Variants in BTF3 observed in about 807,000 individuals in gnomAD.
BTF3 encodes the protein transcription factor BTF3.
In BTF3, 12 loss-of-function variants were observed where a neutral mutation model predicts 23.9. The observed-to-expected ratio is 0.50, with a 90% CI of 0.32 to 0.81. BTF3 has a LOEUF of 0.81. BTF3 is among the 40% of genes least tolerant of loss of function. The probability of loss-of-function intolerance (pLI) is 0.03; values close to 1 mark genes in which losing one functional copy is unlikely to be tolerated. For synonymous variants in BTF3, 96 were observed against 94.8 expected (o/e 1.01, Z -0.07); for missense variants, 215 against 255.9 (o/e 0.84, Z 1.09).
intron 1 of BTF3, 105 bp from the exon 2 acceptor site, chr5:73,499,029 C>T (rs968101927): frequency 1.3e-5 from 17 of 1,337,964 alleles, no homozygotes; most frequent in East Asian, 2.5e-5. Flanking sequence ...CAGGTTTCGG[C>T]CTGTGTAGGA....
At chr5:73,498,939 G>T (rs747069228) in intron 1 of BTF3, 140 bp downstream of exon 1, 88 of 1,366,936 alleles carry the variant, frequency 6.4e-5, no homozygotes, top group African/African-American at 8.9e-5. Flanking sequence ...GGGGAGCTGT[G>T]GGGGAGTGGT....
chr5:73,502,438 C>G (rs996158330), intron 2 of BTF3, 50 bp from the exon 3 acceptor site: 4 of 1,273,940 alleles, frequency 3.1e-6, no homozygotes, highest in African/African-American at 3.0e-5. Flanking sequence ...TGAAAAATAT[C>G]TGTTGTGGTA....
At chr5:73,505,058 C>A in intron 5 of BTF3, 134 bp from the exon 6 acceptor site, 8 of 398,418 alleles carry the variant, frequency 2.0e-5, no homozygotes, top group Non-Finnish European at 2.8e-5. Flanking sequence ...TTTTTGCATT[C>A]TTGTTCTTGG....
intron 2 of BTF3, among the ~76,000 whole-genome samples, chr5:73,501,019 A>G (rs2111958856): frequency 6.6e-6 from 1 of 152,224 alleles, no homozygotes; most frequent in South Asian, 2.1e-4. Context: ...CTGAGAATAT[A>G]AAATTTTAAG....
At chr5:73,499,278 C>A in intron 2 of BTF3, 76 bp downstream of exon 2, 1 of 1,474,710 alleles carries the variant, frequency 6.8e-7, no homozygotes, top group Non-Finnish European at 9.4e-7. Flanking sequence ...TCCTTTTGCG[C>A]TTCTTATATT....
At chr5:73,500,815 T>C (rs1476770187) in intron 2 of BTF3, among the ~76,000 whole-genome samples, 1 of 152,202 alleles carries the variant, frequency 6.6e-6, no homozygotes, top group Non-Finnish European at 1.5e-5. Flanking sequence ...GTCTTTACAA[T>C]CTTAGAAATT....
chr5:73,503,116 A>G lies in BTF3; in HGVS notation c.516A>G (p.Gln172=). The G allele has an allele frequency of 3.1e-6, 5 of 1,612,736 alleles. No homozygotes were observed. The highest frequency in any genetic ancestry group is 4.5e-5 in the East Asian group (2 of 44,842). ...GACTGGCCGAAGCTCTGCCCAAACA[A>G]TGTGAGTTTCCTAGTAATGGTTTTA... is the stretch of plus-strand genomic sequence containing the variant. ...LRRLAEALPK[Q]SVDGKAPLAT... The change falls in exon 4 of 6, where the codon CAA becomes CAG. Residue 172 remains glutamine (Q), a splice_region_variant and synonymous_variant. Coordinates refer to ENST00000380591, the MANE Select transcript of BTF3 (RefSeq NM_001037637.2).
At chr5:73,498,871 G>C in intron 1 of BTF3, 72 bp downstream of exon 1, 1 of 1,487,448 alleles carries the variant, frequency 6.7e-7, no homozygotes, top group Non-Finnish European at 8.8e-7. Flanking sequence ...CCAGGGCCAG[G>C]GGTGGGGGGT....
At chr5:73,505,055 A>ATTTTTG in intron 5 of BTF3, 137 bp from the exon 6 acceptor site, 2 of 490,538 alleles carry the variant, frequency 4.1e-6, no homozygotes, top group South Asian at 3.3e-5. Context: ...TTTTTTTTGC[A>ATTTTTG]TTCTTGTTCT....
At chr5:73,502,649 A>G (rs1239829664) in intron 3 of BTF3, 48 bp downstream of exon 3, 1 of 1,433,748 alleles carries the variant, frequency 7.0e-7, no homozygotes, top group Non-Finnish European at 9.5e-7. Flanking sequence ...TGGCTGGGAA[A>G]AGTTAACGTT....
rs762974234 is a variant in BTF3, at chr5:73,505,173, A to G, written c.575-19A>G. 3.1e-6 allele frequency: 5 copies of G among 1,602,458 alleles called. No individual in the cohort carries two copies. The highest frequency in any genetic ancestry group is 1.1e-5 in the South Asian group (1 of 89,750). ...AGATTTGGCTTTTTTAAGAATTTCT[A>G]CTCTTTTCCTTTTCCTAGATCTTGT... On this transcript the variant is annotated intron_variant, in intron 5 of 5. Coordinates refer to ENST00000380591, the MANE Select transcript of BTF3 (RefSeq NM_001037637.2).
chr5:73,504,267 C>CTTTTTT lies in BTF3; in HGVS notation c.518-60_518-55dup, dbSNP rs34051700. 535 of 125,266 alleles carry CTTTTTT rather than the reference C, an allele frequency of 4.3e-3. 64 individuals are homozygous for CTTTTTT. The highest frequency in any genetic ancestry group is 0.011 in the Middle Eastern group (3 of 264). 7.8% of individuals were successfully genotyped at this position (125,266 alleles called of 1,614,324 possible). On this transcript the variant is annotated intron_variant, in intron 4 of 5. Transcript: ENST00000380591. ...AACAACACTTGGCATTTCATCTGTT[C>CTTTTTT]TTTTTTTTTTTTTTTTTTTTTTTTT...
chr5:73,502,601 G>T lies in BTF3; in HGVS notation c.315G>T (p.Glu105Asp). Residue 105 changes from glutamate (E) to aspartate (D), a missense_variant and splice_region_variant, in exon 3 of 6, where the codon GAG becomes GAT. Physicochemically the swap from Glu to Asp is conservative, Grantham distance 45. Coordinates refer to ENST00000380591, the MANE Select transcript of BTF3 (RefSeq NM_001037637.2). Reference sequence around the variant, plus strand: ...TAAACAATATCTCTGGTATTGAAGAGGCAAGTATCAAATTTTGTTACTTTA... The same window carrying T: ...TAAACAATATCTCTGGTATTGAAGATGCAAGTATCAAATTTTGTTACTTTA... ...LGVNNISGIE[E>D]VNMFTNQGTV... 6.3e-7 allele frequency: 1 copy of T among 1,579,436 alleles called. No individual in the cohort carries two copies. The highest frequency in any genetic ancestry group is 8.6e-7 in the Non-Finnish European group (1 of 1,168,074).
At chr5:73,500,604 A>G (rs1580357548) in intron 2 of BTF3, among the ~76,000 whole-genome samples, 1 of 152,362 alleles carries the variant, frequency 6.6e-6, no homozygotes, top group East Asian at 1.9e-4. Flanking sequence ...ACTGTTTAAG[A>G]AACGTACTTA....
In BTF3 at chr5:73,502,986, C is replaced by T. The variant is rs1161723411; in HGVS notation, c.386C>T (p.Ala129Val). ...CCTAAAGTTCAGGCATCTCTGGCAG[C>T]GAACACTTTCACCATTACAGGCCAT... ...NNPKVQASLA[A>V]NTFTITGHAE... is the part of the protein sequence containing the mutation. Residue 129 changes from alanine to valine, a missense_variant, in exon 4 of 6, where the codon GCG (alanine) becomes GTG (valine). Physicochemically the swap from Ala to Val is moderately conservative, Grantham distance 64. Transcript: ENST00000380591. 7 of 1,613,448 alleles carry T rather than the reference C, an allele frequency of 4.3e-6. No individual in the cohort carries two copies. Among genetic ancestry groups the T allele is most frequent in the African/African-American group, 1.3e-5 (1 of 74,904 alleles).
chr5:73,504,411 C>A lies in BTF3; in HGVS notation c.574+8C>A, dbSNP rs750989476. On this transcript the variant is annotated splice_region_variant and intron_variant, in intron 5 of 5. Coordinates refer to ENST00000380591, the MANE Select transcript of BTF3 (RefSeq NM_001037637.2). ...ATGATGATGAAGTTCCAGGTAGGAA[C>A]GTTTACTTGTGGTTAACCTAGAGAA... 6.3e-7 allele frequency: 1 copy of A among 1,596,232 alleles called. No individual in the cohort carries two copies. The highest frequency in any genetic ancestry group is 8.5e-7 in the Non-Finnish European group (1 of 1,171,768).
In BTF3 at chr5:73,498,795, C is replaced by T; in HGVS notation, c.128C>T (p.Pro43Leu). ...CGCGGCGGAACCCGAGGACAGGAGC[C>T]TCAGGTACCGCGAGGCTTGCGGAGA... ...PPRGGTRGQE[P>L]QMKETIMNQE... Residue 43 changes from proline (P) to leucine (L), a missense_variant, in exon 1 of 6, where the codon CCT (proline) becomes CTT (leucine). Pro to Leu is a moderately conservative substitution (Grantham distance 98). Coordinates refer to ENST00000380591, the MANE Select transcript of BTF3 (RefSeq NM_001037637.2). 5 of 1,508,088 alleles carry T rather than the reference C, an allele frequency of 3.3e-6. No individual in the cohort carries two copies. Among genetic ancestry groups the T allele is most frequent in the Middle Eastern group, 2.2e-4 (1 of 4,516 alleles). The allele number at this position is 1,508,088 out of a possible 1,614,324, so 93.4% of individuals were successfully genotyped here.
intron 5 of BTF3, 91 bp from the exon 6 acceptor site, chr5:73,505,101 A>G: frequency 9.3e-7 from 1 of 1,072,396 alleles, no homozygotes; most frequent in Non-Finnish European, 1.4e-6. Context: ...TCATTGGCAA[A>G]TGAATGTCTT....
chr5:73,499,301 CTT>C, intron 2 of BTF3, 99 bp downstream of exon 2: 2 of 1,321,476 alleles, frequency 1.5e-6, no homozygotes. Flanking sequence ...CGGTGACAAA[CTT>C]TGCCTATCGA....
Sources: gnomAD v4.1 joint callset for allele counts (sites outside exome capture counted in the v4.1 genomes callset) on GRCh38, gnomAD v4.1.1 for gene constraint, MANE v1.5 for transcripts, NCBI Gene and HGNC (gene_info 2026-07-23, HGNC 2026-07-21) for gene names.